DUOX1: variants seen among roughly 807,000 people sequenced by gnomAD.
DUOX1 encodes the protein NADPH thyroid oxidase 1.
In DUOX1, 134 loss-of-function variants were observed where a neutral mutation model predicts 181.8. That is an observed-to-expected ratio of 0.74 (90% CI 0.64 to 0.85). DUOX1 has a LOEUF of 0.85. Ranked by LOEUF, DUOX1 falls within the 40% of genes least tolerant of loss-of-function variation. The pLI, the probability that DUOX1 is intolerant of heterozygous loss-of-function variation, is 0.00. For synonymous variants in DUOX1, 798 were observed against 832.5 expected (o/e 0.96, Z 0.71); for missense variants, 1,814 against 2,064.4 (o/e 0.88, Z 2.35).
intron 15 of DUOX1, among the ~76,000 whole-genome samples, chr15:45,142,737 AAG>A (rs1165997233): frequency 1.5e-3 from 221 of 148,654 alleles, no homozygotes; most frequent in Non-Finnish European, 3.0e-4. Context: ...AAAAGAAAGA[AAG>A]AGAGAGAGAG....
chr15:45,162,439 C>A, intron 31 of DUOX1, 62 bp downstream of exon 31: 2 of 1,565,428 alleles, frequency 1.3e-6, no homozygotes, highest in South Asian at 2.4e-5. Context: ...TGGTACCCAT[C>A]TGTGCCTTTC....
rs555614219 is a variant in DUOX1, at chr15:45,145,008, G to C, written c.2250G>C (p.Leu750=). Reference sequence around the variant, plus strand: ...AGTGGGAGCTGCGGGAGCAGGAGCTGATGAGAGCAGCTGTGACACGGGAGC... The same window carrying C: ...AGTGGGAGCTGCGGGAGCAGGAGCTCATGAGAGCAGCTGTGACACGGGAGC... The part of the protein sequence containing the change: ...IQEWELREQE[L]MRAAVTREQR... Residue 750 remains leucine (L), a synonymous_variant, in exon 18 of 34, where the codon CTG becomes CTC. Coordinates refer to ENST00000389037, the MANE Select transcript of DUOX1 (RefSeq NM_175940.3). 6.2e-7 allele frequency: 1 copy of C among 1,614,128 alleles called. No individual in the cohort carries two copies. The highest frequency in any genetic ancestry group is 1.3e-5 in the African/African-American group (1 of 75,058).
At position 45,155,930 on chromosome 15, in the gene DUOX1, G is replaced by A. The variant is rs1256116458; in HGVS notation, c.3702+1G>A. Reference sequence around the variant, plus strand: ...CCTCTACATCCTGCTCTATGTCCTGGTGAGGGCTTTTGGCTGTGAGCCAGG... The same window carrying A: ...CCTCTACATCCTGCTCTATGTCCTGATGAGGGCTTTTGGCTGTGAGCCAGG... On this transcript the variant is annotated splice_donor_variant, in intron 28 of 33. Coordinates refer to ENST00000389037, the MANE Select transcript of DUOX1 (RefSeq NM_175940.3). LOFTEE classifies it high-confidence loss of function. The A allele has an allele frequency of 6.2e-7, 1 of 1,614,020 alleles. No homozygotes were observed. Among genetic ancestry groups the A allele is most frequent in the Non-Finnish European group, 8.5e-7 (1 of 1,180,030 alleles).
Position 45,151,887 on chromosome 15 carries a change from C to T in DUOX1, c.3028C>T (p.Gln1010Ter), listed in dbSNP as rs1318256352. ...RRFGKKVTSF[Q>*]PLLFTEAHRE... Reference sequence around the variant, plus strand: ...CCTGTCTCCCAGGGTAACGTCATTCCAGCCCTTGCTGTTCACTGAGGCGCA... The same window carrying T: ...CCTGTCTCCCAGGGTAACGTCATTCTAGCCCTTGCTGTTCACTGAGGCGCA... The change falls in exon 24 of 34, where the codon CAG becomes TAG. Residue 1010 changes from glutamine (Q) to a stop codon, truncating the protein, a stop_gained. Transcript: ENST00000389037. LOFTEE classifies it high-confidence loss of function. 6.2e-7 allele frequency: 1 copy of T among 1,612,820 alleles called. No homozygotes were observed. Among genetic ancestry groups the T allele is most frequent in the East Asian group, 2.2e-5 (1 of 44,828 alleles).
In DUOX1 at chr15:45,147,742, C is replaced by T. The variant is rs1896691953; in HGVS notation, c.2548+84C>T. On this transcript the variant is annotated intron_variant, in intron 19 of 33. Coordinates refer to ENST00000389037, the MANE Select transcript of DUOX1 (RefSeq NM_175940.3). Reference sequence around the variant, plus strand: ...GAAGCCCTGGGACCAGGTCTCCAGCCATGGCAGATGCCCAGAAGTGCCCAG... The same window carrying T: ...GAAGCCCTGGGACCAGGTCTCCAGCTATGGCAGATGCCCAGAAGTGCCCAG... The T allele has an allele frequency of 2.5e-6, 4 of 1,588,654 alleles. No individual in the cohort carries two copies. The East Asian group carries it at 6.7e-5, about 27-fold the overall frequency.
chr15:45,161,680 G>A lies in DUOX1; in HGVS notation c.3857-58G>A, dbSNP rs758997726. 2.9e-4 allele frequency: 432 copies of A among 1,505,282 alleles called. 3 individuals carry two copies. The highest frequency in any genetic ancestry group is 8.5e-5 in the Admixed American group (5 of 58,992). 93.2% of individuals were successfully genotyped at this position (1,505,282 alleles called of 1,614,324 possible). A position where few individuals can be genotyped will look rare whatever the true frequency, so the allele number is the denominator to read the frequency against. ...GAGGCTGTGGGTGGGGAGCTCTCTG[G>A]AGGCCACATTGTTGCTGGGTTCAGG... is the stretch of plus-strand genomic sequence containing the variant. On this transcript the variant is annotated intron_variant, in intron 29 of 33. Coordinates refer to ENST00000389037, the MANE Select transcript of DUOX1 (RefSeq NM_175940.3).
intron 15 of DUOX1, 119 bp downstream of exon 15, chr15:45,142,231 G>A: frequency 8.3e-7 from 1 of 1,206,032 alleles, no homozygotes; most frequent in Non-Finnish European, 1.2e-6. Context: ...CCTTTGGGTA[G>A]GAGAATGAAA....
chr15:45,143,123 G>T, intron 15 of DUOX1, 67 bp from the exon 16 acceptor site: 1 of 1,257,176 alleles, frequency 8.0e-7, no homozygotes, highest in South Asian at 1.3e-5. Context: ...GTAAGGAGCT[G>T]AGAAAGGAGC....
chr15:45,147,408 TC>T, intron 18 of DUOX1, 24 bp from the exon 19 acceptor site: 1 of 1,608,448 alleles, frequency 6.2e-7, no homozygotes, highest in Non-Finnish European at 8.5e-7. Context: ...CTCCTCTCCC[TC>T]CCTCTGCTTC....
At chr15:45,161,037 C>A in intron 29 of DUOX1, 47 bp downstream of exon 29, 1 of 1,611,980 alleles carries the variant, frequency 6.2e-7, no homozygotes. Context: ...AGGGAGCTGA[C>A]CGGGCAGAGG....
chr15:45,132,788 C>T (rs961944272), intron 2 of DUOX1, among the ~76,000 whole-genome samples: 1 of 152,158 alleles, frequency 6.6e-6, no homozygotes, highest in African/African-American at 2.4e-5. Flanking sequence ...TCCCTCAGCT[C>T]TCACCTCTTA....
chr15:45,131,614 G>A (rs1039993293), intron 1 of DUOX1: 1 of 314,152 alleles, frequency 3.2e-6, no homozygotes, highest in African/African-American at 2.3e-5. Flanking sequence ...CAGAGTGCTG[G>A]GCCAAAGCAG....
chr15:45,153,831 G>A lies in DUOX1; in HGVS notation c.3525-120G>A, dbSNP rs981709214. On this transcript the variant is annotated intron_variant, in intron 26 of 33. Coordinates refer to ENST00000389037, the MANE Select transcript of DUOX1 (RefSeq NM_175940.3). The stretch of plus-strand genomic sequence containing the variant: ...GAAACCAGGAGGTGGAGGTTGCAGT[G>A]AGCCAAGATCATGCCACTGCACTCC... 4 of 909,362 alleles carry A rather than the reference G, an allele frequency of 4.4e-6. No homozygotes were observed. In the African/African-American group the frequency reaches 4.9e-5, roughly 11 times the overall value. 56.3% of individuals were successfully genotyped at this position (909,362 alleles called of 1,614,324 possible).
intron 24 of DUOX1, 92 bp downstream of exon 24, chr15:45,152,144 G>C (rs1182069627): frequency 6.6e-7 from 1 of 1,513,190 alleles, no homozygotes; most frequent in Admixed American, 2.0e-5. Flanking sequence ...CCAGCCCTGG[G>C]TAGGGTAAGT....
intron 11 of DUOX1, 85 bp downstream of exon 11, chr15:45,139,253 G>T (rs774227726): frequency 2.6e-5 from 42 of 1,607,488 alleles, no homozygotes; most frequent in East Asian, 1.1e-4. Context: ...AGGTATGAGG[G>T]GGTGCCTGGG....
intron 15 of DUOX1, among the ~76,000 whole-genome samples, chr15:45,142,805 G>A (rs62025131): frequency 0.42 from 55,196 of 132,924 alleles, 11,493 homozygotes; most frequent in Middle Eastern, 0.59. Context: ...GGAAGGGAGG[G>A]AGGAAGAGCA....
intron 22 of DUOX1, 65 bp downstream of exon 22, chr15:45,150,766 G>A: frequency 2.0e-6 from 3 of 1,518,186 alleles, no homozygotes; most frequent in Non-Finnish European, 2.7e-6. Context: ...TCCCCTGAAT[G>A]GCTGGGATCA....
chr15:45,134,992 A>G, intron 4 of DUOX1, 112 bp from the exon 5 acceptor site: 1 of 1,321,310 alleles, frequency 7.6e-7, no homozygotes, highest in Non-Finnish European at 1.0e-6. Flanking sequence ...CTTGCCCATA[A>G]TGGCTGCTGA....
At chr15:45,131,499 G>C (rs578011628) in intron 1 of DUOX1, 1 of 167,084 alleles carries the variant, frequency 6.0e-6, no homozygotes, top group South Asian at 1.5e-4. Context: ...GATCAGATTG[G>C]AGAAGTGATT....
Sources: gnomAD v4.1 joint callset for allele counts (sites outside exome capture counted in the v4.1 genomes callset) on GRCh38, gnomAD v4.1.1 for gene constraint, MANE v1.5 for transcripts, NCBI Gene and HGNC (gene_info 2026-07-23, HGNC 2026-07-21) for gene names.